NKIRAS1: variants seen among roughly 807,000 people sequenced by gnomAD.
NKIRAS1 encodes the protein NF-kappa-B inhibitor-interacting Ras-like protein 1.
Under a neutral mutation model 19.8 loss-of-function variants are expected in NKIRAS1, and 16 were observed. The ratio of observed to expected loss-of-function variants is 0.81; its 90% CI spans 0.55 to 1.23. The LOEUF (loss-of-function observed/expected upper bound fraction) is 1.23, where lower values mean the gene tolerates loss of function less well. NKIRAS1 is among the 50% of genes most tolerant of loss of function. The pLI is 0.00. For synonymous variants in NKIRAS1, 88 were observed against 79.0 expected (o/e 1.11, Z -0.61); for missense variants, 184 against 220.0 (o/e 0.84, Z 1.04).
At chr3:23,901,869 T>A (rs564922388) in intron 3 of NKIRAS1, among the ~76,000 whole-genome samples, 3 of 152,102 alleles carry the variant, frequency 2.0e-5, no homozygotes, top group Non-Finnish European at 4.4e-5. Context: ...GGTCAGGAGT[T>A]CAAGAACAGC....
chr3:23,893,341 A>G lies in NKIRAS1; in HGVS notation c.337-4T>C. 1 of 1,612,316 alleles carries G rather than the reference A, an allele frequency of 6.2e-7. No individual in the cohort carries two copies. The highest frequency in any genetic ancestry group is 1.7e-5 in the Admixed American group (1 of 59,610). ...TTCCTAATACCACAATTGCTACCTGAAAGAAAACGGATTGAAAAGATCATA... is the reference window on the plus strand; with the variant it reads ...TTCCTAATACCACAATTGCTACCTGGAAGAAAACGGATTGAAAAGATCATA... On this transcript the variant is annotated splice_region_variant and splice_polypyrimidine_tract_variant and intron_variant, in intron 4 of 4. Transcript: ENST00000425478.
chr3:23,920,768 G>T, upstream of NKIRAS1: 1 of 968,976 alleles, frequency 1.0e-6, no homozygotes, highest in Non-Finnish European at 1.2e-6. Context: ...CACAAAAAAA[G>T]AAAAGATCTT....
At chr3:23,937,029 G>C (rs74776939) in intron 1 of NKIRAS1, among the ~76,000 whole-genome samples, 27,681 of 152,116 alleles carry the variant, frequency 0.18, 2,574 homozygotes, top group Non-Finnish European at 0.21. Flanking sequence ...GTGAAGAGTT[G>C]ATTGTTGAAA....
At chr3:23,920,782 T>G, upstream of NKIRAS1, 2 of 964,876 alleles carry the variant, frequency 2.1e-6, no homozygotes, top group Non-Finnish European at 2.5e-6. Flanking sequence ...AGATCTTAAG[T>G]CATACATTTT....
intron 1 of NKIRAS1, among the ~76,000 whole-genome samples, chr3:23,914,804 T>C (rs970609428): frequency 3.9e-5 from 6 of 152,256 alleles, no homozygotes; most frequent in African/African-American, 1.4e-4. Flanking sequence ...GCAGTGATTA[T>C]TCACACTACT....
rs1250133222 is a variant in NKIRAS1, at chr3:23,926,751, AGAAAAAAGG to A, written c.-139-15310_-139-15302del. Among the ~76,000 whole-genome samples, 2 of 152,226 alleles carry A rather than the reference AGAAAAAAGG, an allele frequency of 1.3e-5. No homozygotes were observed. The highest frequency in any genetic ancestry group is 2.9e-5 in the Non-Finnish European group (2 of 68,046). On this transcript the variant is annotated intron_variant, in intron 1 of 4. Transcript: ENST00000421515. The surrounding 1 kb of genome is among the most constrained non-coding windows in gnomAD (Gnocchi z 4.3). ...ATGAACTGCTACAACACCTTTTCTA[AGAAAAAAGG>A]TTTTGGTCGAAAAAGACCTTTAGTT...
intron 4 of NKIRAS1, among the ~76,000 whole-genome samples, chr3:23,893,725 A>G (rs1391298153): frequency 2.1e-5 from 3 of 140,028 alleles, no homozygotes; most frequent in African/African-American, 8.1e-5. Context: ...GGAACCCGGG[A>G]GGCAGAGAGG....
chr3:23,945,511 A>G (rs1575140240), intron 1 of NKIRAS1: 2 of 931,888 alleles, frequency 2.1e-6, no homozygotes, highest in Non-Finnish European at 2.7e-6. Flanking sequence ...CGCGGCGCTG[A>G]GGCGGCGGCG....
Position 23,908,076 on chromosome 3 carries a change from T to A in NKIRAS1, c.94+2735A>T, listed in dbSNP as rs1241756533. Among the ~76,000 whole-genome samples the A allele has an allele frequency of 3.9e-5, 6 of 152,188 alleles. No individual in the cohort carries two copies. In the South Asian group the frequency reaches 1.2e-3, roughly 31 times the overall value. ...CAGGCAAAAATCAGAATTGTATCCATCATCATGAACTTGACAGATTCCCAA... is the reference window on the plus strand; with the variant it reads ...CAGGCAAAAATCAGAATTGTATCCAACATCATGAACTTGACAGATTCCCAA... On this transcript the variant is annotated intron_variant, in intron 3 of 4. Coordinates refer to ENST00000425478, the MANE Select transcript of NKIRAS1 (RefSeq NM_020345.4).
At chr3:23,946,097 C>G in intron 1 of NKIRAS1, 1 of 984,736 alleles carries the variant, frequency 1.0e-6, no homozygotes, top group South Asian at 4.7e-5. Flanking sequence ...TTGGAAGCCT[C>G]GGGGCAGTGA....
In NKIRAS1 at chr3:23,890,443, A is replaced by G. The variant is rs1559497829; in HGVS notation, c.*2652T>C. 6.7e-7 allele frequency: 1 copy of G among 1,501,168 alleles called. No individual in the cohort carries two copies. Among genetic ancestry groups the G allele is most frequent in the Non-Finnish European group, 9.1e-7 (1 of 1,098,180 alleles). 93.0% of individuals were successfully genotyped at this position (1,501,168 alleles called of 1,614,324 possible). On this transcript the variant is annotated 3_prime_UTR_variant, in exon 5 of 5. Coordinates refer to ENST00000425478, the MANE Select transcript of NKIRAS1 (RefSeq NM_020345.4). ...GTCGTACGTATCTACCCAAGCTGTC[A>G]CTATTCGCTAAAGTTTAAAATGTTC...
At chr3:23,920,623 T>C, upstream of NKIRAS1, 7 of 984,928 alleles carry the variant, frequency 7.1e-6, no homozygotes, top group Non-Finnish European at 8.4e-6. Context: ...ATTCTGACTT[T>C]GCTGACTTAA....
chr3:23,901,982 G>C (rs1702566312), intron 3 of NKIRAS1, among the ~76,000 whole-genome samples: 1 of 152,164 alleles, frequency 6.6e-6, no homozygotes. Context: ...TTGAGGCAGG[G>C]AGAATTGCTT....
intron 4 of NKIRAS1, among the ~76,000 whole-genome samples, chr3:23,897,208 GA>G (rs531210683): frequency 3.6e-4 from 52 of 143,678 alleles, no homozygotes; most frequent in East Asian, 8.1e-4. Context: ...CTGAAATAGG[GA>G]AAAAAAAAAA....
At chr3:23,921,626 G>C, upstream of NKIRAS1, 1 of 647,062 alleles carries the variant, frequency 1.5e-6, no homozygotes, top group Non-Finnish European at 2.8e-6. Flanking sequence ...TCAGGTGGGA[G>C]TGCAGTGGGG....
chr3:23,899,331 G>C (rs1343946779), intron 4 of NKIRAS1, among the ~76,000 whole-genome samples: 1 of 152,048 alleles, frequency 6.6e-6, no homozygotes, highest in Non-Finnish European at 1.5e-5. Flanking sequence ...CTGGGTAAGG[G>C]ATCTCTCTCT....
At chr3:23,932,858 G>A (rs771677817) in intron 1 of NKIRAS1, among the ~76,000 whole-genome samples, 3 of 151,984 alleles carry the variant, frequency 2.0e-5, no homozygotes, top group Non-Finnish European at 2.9e-5. Context: ...AGTCAACAAC[G>A]TTAACATTAA....
At chr3:23,911,051 A>G (rs1232083263) in intron 2 of NKIRAS1, 130 bp from the exon 3 acceptor site, 1 of 689,238 alleles carries the variant, frequency 1.5e-6, no homozygotes, top group Non-Finnish European at 2.5e-6. Context: ...AAGGAGATAT[A>G]GAATAAGGTA....
chr3:23,903,242 T>C (rs1264359339), intron 3 of NKIRAS1, among the ~76,000 whole-genome samples: 1 of 152,186 alleles, frequency 6.6e-6, no homozygotes, highest in Non-Finnish European at 1.5e-5. Context: ...GCCCTTCAAG[T>C]AGCTGGGACT....
Sources: gnomAD v4.1 joint callset for allele counts (sites outside exome capture counted in the v4.1 genomes callset) on GRCh38, gnomAD v4.1.1 for gene constraint, Gnocchi (gnomAD v3.1) non-coding constraint, MANE v1.5 for transcripts, NCBI Gene and HGNC (gene_info 2026-07-23, HGNC 2026-07-21) for gene names.